Variants in ULK2 observed in about 807,000 individuals in gnomAD.
ULK2 encodes the protein unc-51 like autophagy activating kinase 2, also known as serine/threonine-protein kinase ULK2.
In ULK2, 76 loss-of-function variants were observed where a neutral mutation model predicts 127.5. The ratio of observed to expected loss-of-function variants is 0.60; its 90% CI spans 0.50 to 0.72. The LOEUF (loss-of-function observed/expected upper bound fraction) is 0.72, where lower values mean the gene tolerates loss of function less well. Among genes scored for constraint, ULK2 ranks in the 30% least tolerant of loss-of-function variants. The pLI is 0.00. For synonymous variants in ULK2, 452 were observed against 461.9 expected (o/e 0.98, Z 0.28); for missense variants, 1,144 against 1,295.9 (o/e 0.88, Z 1.80).
At chr17:19,859,139 T>C (rs947020213) in intron 3 of ULK2, among the ~76,000 whole-genome samples, 2 of 150,826 alleles carry the variant, frequency 1.3e-5, no homozygotes, top group African/African-American at 4.9e-5. Context: ...TAAGTAAATA[T>C]AATTTAAAAA....
intron 20 of ULK2, among the ~76,000 whole-genome samples, chr17:19,787,073 A>G (rs1597714314): frequency 6.6e-6 from 1 of 151,108 alleles, no homozygotes; most frequent in African/African-American, 2.4e-5. Context: ...ATCTCAGCTC[A>G]CTGCAACCTC....
At chr17:19,811,878 T>C (rs536372373) in intron 13 of ULK2, among the ~76,000 whole-genome samples, 38 of 152,326 alleles carry the variant, frequency 2.5e-4, no homozygotes, top group African/African-American at 9.1e-4. Context: ...TAAATAATCA[T>C]ATTTTAAGTA....
chr17:19,866,879 G>A (rs1400706698), intron 1 of ULK2, among the ~76,000 whole-genome samples: 1 of 152,148 alleles, frequency 6.6e-6, no homozygotes, highest in Non-Finnish European at 1.5e-5. Context: ...ACACCTCCCA[G>A]GCTGCGAAAG....
At chr17:19,834,034 C>T (rs929151393) in intron 10 of ULK2, among the ~76,000 whole-genome samples, 6 of 152,034 alleles carry the variant, frequency 3.9e-5, no homozygotes, top group African/African-American at 1.4e-4. Context: ...TGTTGAAAAT[C>T]AAAGACAGAG....
intron 20 of ULK2, among the ~76,000 whole-genome samples, chr17:19,792,761 GTC>G (rs1366582069): frequency 1.3e-5 from 2 of 152,056 alleles, no homozygotes; most frequent in East Asian, 3.9e-4. Context: ...AACCCAGCCA[GTC>G]TCTCTACAGA....
chr17:19,829,912 C>T (rs1342119493), intron 10 of ULK2, among the ~76,000 whole-genome samples: 1 of 145,514 alleles, frequency 6.9e-6, no homozygotes, highest in African/African-American at 2.6e-5. Flanking sequence ...GATTTATAAA[C>T]AATCAGAGCC....
chr17:19,816,665 G>GA (rs1389711488), intron 13 of ULK2, 84 bp downstream of exon 13: 1 of 1,252,988 alleles, frequency 8.0e-7, no homozygotes, highest in Non-Finnish European at 1.1e-6. Context: ...CCCTACACAA[G>GA]AAAGTGTAAT....
At chr17:19,839,290 C>T (rs1182390325) in intron 9 of ULK2, among the ~76,000 whole-genome samples, 1 of 152,070 alleles carries the variant, frequency 6.6e-6, no homozygotes, top group East Asian at 1.9e-4. Context: ...ATACAACTTC[C>T]TAACATCCGA....
intron 4 of ULK2, 126 bp downstream of exon 4, chr17:19,849,616 T>C: frequency 1.2e-6 from 1 of 829,906 alleles, no homozygotes; most frequent in Non-Finnish European, 1.8e-6. Context: ...ATTCAAATAA[T>C]CTACTACCAA....
At chr17:19,859,176 G>A (rs2042191570) in intron 3 of ULK2, among the ~76,000 whole-genome samples, 1 of 151,768 alleles carries the variant, frequency 6.6e-6, no homozygotes, top group Non-Finnish European at 1.5e-5. Context: ...TTCCTAGTGT[G>A]AGATTATAAA....
chr17:19,841,486 T>C lies in ULK2; in HGVS notation c.704+3A>G. The stretch of plus-strand genomic sequence containing the variant: ...TAAAACCCAGTGTAATCTAAACACA[T>C]ACCTAGGCATTAAGCTCCTGTTTTT... On this transcript the variant is annotated splice_donor_region_variant and intron_variant, in intron 9 of 26. Coordinates refer to ENST00000395544, the MANE Select transcript of ULK2 (RefSeq NM_014683.4). 15 of 1,592,816 alleles carry C rather than the reference T, an allele frequency of 9.4e-6. No homozygotes were observed. Among genetic ancestry groups the C allele is most frequent in the Non-Finnish European group, 1.3e-5 (15 of 1,174,148 alleles).
rs890596462 is a variant in ULK2 at position 19,799,721 on chromosome 17, C to T, written c.1442-146G>A. On this transcript the variant is annotated intron_variant, in intron 16 of 26. Transcript: ENST00000395544. Reference sequence around the variant, plus strand: ...AGTAACAAACGTTTAGTTCAACTAACATTTACTGGACAACCAATCCGCTGG... The same window carrying T: ...AGTAACAAACGTTTAGTTCAACTAATATTTACTGGACAACCAATCCGCTGG... 1.0e-5 allele frequency: 7 copies of T among 688,204 alleles called. No homozygotes were observed. In the East Asian group the frequency reaches 1.7e-4, roughly 17 times the overall value. The allele number at this position is 688,204 out of a possible 1,614,324, so 42.6% of individuals were successfully genotyped here. A position where few individuals can be genotyped will look rare whatever the true frequency, so the allele number is the denominator to read the frequency against.
chr17:19,813,386 C>T (rs1318241563), intron 13 of ULK2, among the ~76,000 whole-genome samples: 1 of 151,970 alleles, frequency 6.6e-6, no homozygotes, highest in East Asian at 1.9e-4. Flanking sequence ...AAAAGAAAAA[C>T]TCACTAAAAG....
chr17:19,825,203 G>A, intron 11 of ULK2, 21 bp from the exon 12 acceptor site: 2 of 1,608,548 alleles, frequency 1.2e-6, no homozygotes, highest in East Asian at 2.2e-5. Context: ...AAACACAAAT[G>A]AACTACATCA....
chr17:19,829,825 C>T (rs1432855978), intron 10 of ULK2, among the ~76,000 whole-genome samples: 9 of 107,638 alleles, frequency 8.4e-5, no homozygotes, highest in South Asian at 3.3e-4. Context: ...GGTGACAGAG[C>T]GAGACTCCAT....
At chr17:19,796,392 G>C in intron 18 of ULK2, 110 bp from the exon 19 acceptor site, 1 of 1,012,218 alleles carries the variant, frequency 9.9e-7, no homozygotes, top group South Asian at 3.5e-5. Flanking sequence ...GTAGGAGATA[G>C]GTCGGGTGGT....
In ULK2 at chr17:19,774,272, T is replaced by C. The variant is rs767800058; in HGVS notation, c.*2077A>G. 4.6e-5 allele frequency: 7 copies of C among 152,668 alleles called. No individual in the cohort carries two copies. Among genetic ancestry groups the C allele is most frequent in the Non-Finnish European group, 8.8e-5 (6 of 68,046 alleles). The allele number at this position is 152,668 out of a possible 1,614,324, so 9.5% of individuals were successfully genotyped here. ...CATGAATTTACATTTTGTTCTTTTC[T>C]GCTGTTGAGACTTCACTGTTTCACA... On this transcript the variant is annotated 3_prime_UTR_variant, in exon 27 of 27. Coordinates refer to ENST00000395544, the MANE Select transcript of ULK2 (RefSeq NM_014683.4).
At chr17:19,846,981 G>A (rs1431333683) in intron 5 of ULK2, 71 bp from the exon 6 acceptor site, 3 of 1,438,990 alleles carry the variant, frequency 2.1e-6, no homozygotes, top group African/African-American at 1.4e-5. Context: ...TCCATCAACA[G>A]GATTGGGTTG....
rs543286943 is a variant in ULK2, at chr17:19,855,112, A to C, written c.226-5338T>G. Among the ~76,000 whole-genome samples, 49 of 145,560 alleles carry C rather than the reference A, an allele frequency of 3.4e-4. No homozygotes were observed. The East Asian group carries it at 6.9e-3, about 20-fold the overall frequency. ...AAGATTCCATCTCAAAAAAAAAAAA[A>C]AAAGAGGCTAGGCCAGGCGTGGTGG... On this transcript the variant is annotated intron_variant, in intron 3 of 26. Coordinates refer to ENST00000395544, the MANE Select transcript of ULK2 (RefSeq NM_014683.4).
Sources: allele counts gnomAD v4.1 joint callset (sites outside exome capture counted in the v4.1 genomes callset), GRCh38; gene constraint gnomAD v4.1.1; transcripts MANE v1.5; gene names NCBI Gene and HGNC (gene_info 2026-07-23, HGNC 2026-07-21).